The following FARSB variants were observed in gnomAD, a reference collection of about 807,000 sequenced individuals.
The protein encoded by FARSB is phenylalanine--tRNA ligase beta subunit.
A neutral mutation model predicts 69.6 loss-of-function variants in FARSB; 40 were observed. That is an observed-to-expected ratio of 0.57 (90% CI 0.45 to 0.75). The LOEUF (loss-of-function observed/expected upper bound fraction) is 0.75, where lower values mean the gene tolerates loss of function less well. FARSB is among the 30% of genes least tolerant of loss of function. The pLI, the probability that FARSB is intolerant of heterozygous loss-of-function variation, is 0.00. For synonymous variants in FARSB, 235 were observed against 247.2 expected (o/e 0.95, Z 0.46); for missense variants, 632 against 722.9 (o/e 0.87, Z 1.44).
At chr2:222,649,281 A>AT (rs1342173570) in intron 1 of FARSB, among the ~76,000 whole-genome samples, 5 of 150,646 alleles carry the variant, frequency 3.3e-5, no homozygotes, top group South Asian at 2.1e-4. Flanking sequence ...AAAATTTAAG[A>AT]TAAAAAAAAG....
chr2:222,588,595 G>T (rs1690183331), intron 16 of FARSB, among the ~76,000 whole-genome samples: 1 of 152,164 alleles, frequency 6.6e-6, no homozygotes, highest in South Asian at 2.1e-4. Flanking sequence ...TGACATGATT[G>T]TATATTTAGA....
Position 222,617,101 on chromosome 2 carries a change from C to T in FARSB, c.1344+2544G>A, listed in dbSNP as rs1691017570. ...CTGCAAGCTCCGCTTCCCGGGTTCACGCCATTCTCCTGCCTCAGCCTCCCG... is the reference window on the plus strand; with the variant it reads ...CTGCAAGCTCCGCTTCCCGGGTTCATGCCATTCTCCTGCCTCAGCCTCCCG... On this transcript the variant is annotated intron_variant, in intron 14 of 16. Coordinates refer to ENST00000281828, the MANE Select transcript of FARSB (RefSeq NM_005687.5). Among the ~76,000 whole-genome samples the T allele has an allele frequency of 8.6e-5, 2 of 23,144 alleles. 1 individual carries two copies. Among genetic ancestry groups the T allele is most frequent in the Non-Finnish European group, 1.7e-4 (2 of 11,642 alleles). The allele number at this position is 23,144 out of a possible 152,430, so 15.2% of individuals were successfully genotyped here.
chr2:222,571,966 C>T lies in FARSB; in HGVS notation c.1675G>A (p.Gly559Arg). 3 of 1,613,874 alleles carry T rather than the reference C, an allele frequency of 1.9e-6. No homozygotes were observed. The highest frequency in any genetic ancestry group is 2.5e-6 in the Non-Finnish European group (3 of 1,179,908). Residue 559 changes from glycine to arginine, a missense_variant, in exon 17 of 17, where the codon GGG becomes AGG. Transcript: ENST00000281828. Reference sequence around the variant, plus strand: ...TCAGGATGAAGGACCCCAAGCTTCCCGACGCTTTGACCCCTGGCAAAGATC... The same window carrying T: ...TCAGGATGAAGGACCCCAAGCTTCCTGACGCTTTGACCCCTGGCAAAGATC... ...AEIFARGQSVGKLGVLHPDVI... is the reference protein window; with the variant it reads ...AEIFARGQSVRKLGVLHPDVI...
In FARSB at chr2:222,571,975, GA is replaced by G. The variant is rs1344090348; in HGVS notation, c.1665del (p.Gln556LysfsTer19). ...AGGACCCCAAGCTTCCCGACGCTTT[GA>G]CCCCTGGCAAAGATCTCTGCACATC... ...PGRCAEIFARGQSVGKLGVLH... is the reference protein window; with the variant it reads ...PGRCAEIFARXQSVGKLGVLH... On this transcript the variant is annotated frameshift_variant, in exon 17 of 17. Transcript: ENST00000281828. LOFTEE classifies it high-confidence loss of function. The G allele has an allele frequency of 6.2e-7, 1 of 1,613,808 alleles. No individual in the cohort carries two copies. Among genetic ancestry groups the G allele is most frequent in the Non-Finnish European group, 8.5e-7 (1 of 1,179,940 alleles).
At chr2:222,576,591 A>G (rs1384822481) in intron 16 of FARSB, among the ~76,000 whole-genome samples, 1 of 152,170 alleles carries the variant, frequency 6.6e-6, no homozygotes, top group Non-Finnish European at 1.5e-5. Flanking sequence ...ATTATGTACT[A>G]TGGAGTGAAG....
At chr2:222,607,038 T>C (rs1346918872) in intron 15 of FARSB, among the ~76,000 whole-genome samples, 2 of 152,212 alleles carry the variant, frequency 1.3e-5, no homozygotes, top group African/African-American at 2.4e-5. Context: ...TTATCTCACA[T>C]TGGAACCCAC....
At chr2:222,610,021 C>CT (rs1374464329) in intron 15 of FARSB, among the ~76,000 whole-genome samples, 1 of 152,172 alleles carries the variant, frequency 6.6e-6, no homozygotes, top group Non-Finnish European at 1.5e-5. Context: ...CAAGGGGCAA[C>CT]TGGTACATTC....
intron 2 of FARSB, 26 bp from the exon 3 acceptor site, chr2:222,643,031 AAAAATT>A (rs1481080665): frequency 5.6e-6 from 8 of 1,436,478 alleles, no homozygotes; most frequent in Non-Finnish European, 6.7e-6. Flanking sequence ...AAGTAATGAT[AAAAATT>A]AAATAATTTA....
chr2:222,624,672 G>T (rs753321196), intron 11 of FARSB, 42 bp downstream of exon 11: 4 of 1,349,678 alleles, frequency 3.0e-6, no homozygotes, highest in Non-Finnish European at 4.2e-6. Context: ...TTAGTCATAC[G>T]TGTACTTTGT....
Position 222,623,694 on chromosome 2 carries a change from C to T in FARSB, c.1207G>A (p.Asp403Asn). Residue 403 changes from aspartate (D) to asparagine (N), a missense_variant, in exon 13 of 17, where the codon GAC becomes AAC. Physicochemically the swap from Asp to Asn is conservative, Grantham distance 23. Transcript: ENST00000281828. The stretch of plus-strand genomic sequence containing the variant: ...TCAGTGAAGCCAGCGGCTGCCATGT[C>T]ATGTCGGAGAAGTTCAGTGAGCTTA... ...LNKLTELLRH[D>N]MAAAGFTEAL... The T allele has an allele frequency of 1.2e-6, 2 of 1,612,146 alleles. No individual in the cohort carries two copies. Among genetic ancestry groups the T allele is most frequent in the Admixed American group, 3.3e-5 (2 of 60,004 alleles).
intron 2 of FARSB, among the ~76,000 whole-genome samples, chr2:222,648,181 ATTTT>A (rs1187131256): frequency 6.6e-6 from 1 of 152,184 alleles, no homozygotes; most frequent in Non-Finnish European, 1.5e-5. Flanking sequence ...AGCCGACTTG[ATTTT>A]TTTAAATATT....
Position 222,572,680 on chromosome 2 carries a change from A to C in FARSB, c.1619-658T>G, listed in dbSNP as rs998154246. On this transcript the variant is annotated intron_variant, in intron 16 of 16. Coordinates refer to ENST00000281828, the MANE Select transcript of FARSB (RefSeq NM_005687.5). ...GTAAAACCACAGCAAAGGCCAGCCT[A>C]ACACAAGTCTGGGTTGATGCCTCAT... 2.6e-5 allele frequency among the ~76,000 whole-genome samples: 4 copies of C among 152,338 alleles called. No homozygotes were observed. The East Asian group carries it at 7.7e-4, about 29-fold the overall frequency.
At chr2:222,604,622 C>A (rs748692262) in intron 15 of FARSB, among the ~76,000 whole-genome samples, 1 of 151,892 alleles carries the variant, frequency 6.6e-6, no homozygotes, top group Non-Finnish European at 1.5e-5. Context: ...GCAGCATGAT[C>A]TTGGCTCATT....
chr2:222,628,740 A>C, intron 10 of FARSB, 97 bp downstream of exon 10: 1 of 773,202 alleles, frequency 1.3e-6, no homozygotes. Flanking sequence ...ACGGGTGGGT[A>C]GGTAGGGGAT....
chr2:222,647,356 T>C (rs1691892725), intron 2 of FARSB, among the ~76,000 whole-genome samples: 1 of 152,160 alleles, frequency 6.6e-6, no homozygotes, highest in South Asian at 2.1e-4. Flanking sequence ...AAGGTAATTC[T>C]TTTATTTTAG....
At chr2:222,626,893 G>A (rs756390854) in intron 10 of FARSB, among the ~76,000 whole-genome samples, 9 of 151,878 alleles carry the variant, frequency 5.9e-5, no homozygotes, top group Non-Finnish European at 1.0e-4. Flanking sequence ...AAAATTAGCC[G>A]GGCGTGGTGA....
chr2:222,590,244 T>A (rs1297148417), intron 16 of FARSB, among the ~76,000 whole-genome samples: 1 of 151,988 alleles, frequency 6.6e-6, no homozygotes, highest in Non-Finnish European at 1.5e-5. Flanking sequence ...AAACCATCAT[T>A]CTCAGCAAAC....
At chr2:222,647,445 G>C (rs1260397637) in intron 2 of FARSB, among the ~76,000 whole-genome samples, 3 of 152,214 alleles carry the variant, frequency 2.0e-5, no homozygotes, top group African/African-American at 7.2e-5. Flanking sequence ...CCAGCTTTCA[G>C]TTTTACTGAC....
chr2:222,637,737 G>A (rs1691621508), intron 5 of FARSB, among the ~76,000 whole-genome samples: 1 of 152,154 alleles, frequency 6.6e-6, no homozygotes, highest in African/African-American at 2.4e-5. Flanking sequence ...TGTAACCCCA[G>A]CACTTTAGGA....
Sources: gnomAD v4.1 joint callset for allele counts (sites outside exome capture counted in the v4.1 genomes callset) on GRCh38, gnomAD v4.1.1 for gene constraint, MANE v1.5 for transcripts, NCBI Gene and HGNC (gene_info 2026-07-23, HGNC 2026-07-21) for gene names.